Variants in B3GNT7 observed in about 807,000 individuals in gnomAD.
B3GNT7 encodes the protein UDP-GlcNAc:betaGal beta-1,3-N-acetylglucosaminyltransferase 7, also known as BGnT-7.
In B3GNT7, 9 loss-of-function variants were observed where a neutral mutation model predicts 5.1. The observed-to-expected ratio is 1.77, with a 90% confidence interval of 1.07 to 3.09. The LOEUF (loss-of-function observed/expected upper bound fraction) is 3.09. Among genes scored for constraint, B3GNT7 ranks in the 30% most tolerant of loss-of-function variants. The probability of loss-of-function intolerance (pLI) is 0.00; values close to 1 mark genes in which losing one functional copy is unlikely to be tolerated. For missense variants in B3GNT7, 468 were observed against 550.8 expected (o/e 0.85, Z 1.50); for synonymous variants, 253 against 248.6 (o/e 1.02, Z -0.17).
chr2:231,396,462 T>C (rs941245579), intron 1 of B3GNT7, among the ~76,000 whole-genome samples: 1 of 152,106 alleles, frequency 6.6e-6, no homozygotes, highest in South Asian at 2.1e-4. Context: ...AGCCTGCACC[T>C]AAGGTGCCCC....
intron 1 of B3GNT7, chr2:231,397,305 T>A: frequency 1.0e-6 from 1 of 984,160 alleles, no homozygotes; most frequent in Non-Finnish European, 1.2e-6. Flanking sequence ...ATGAAAGGCA[T>A]TGGGGTTCCA....
Position 231,395,777 on chromosome 2 carries a change from C to G in B3GNT7, c.-27C>G. On this transcript the variant is annotated 5_prime_UTR_variant, in exon 1 of 2. Coordinates refer to ENST00000287590, the MANE Select transcript of B3GNT7 (RefSeq NM_145236.3). This position sits in a 1 kb window ranked among gnomAD's most constrained non-coding sequence, Gnocchi z 7.3. ...GCGCCCAGAGCTGCGAGCCGCTCGC[C>G]CCTCCGCCGCTCCGGCCCGGGCCGC... 8.5e-7 allele frequency: 1 copy of G among 1,171,896 alleles called. No homozygotes were observed. Among genetic ancestry groups the G allele is most frequent in the Non-Finnish European group, 1.1e-6 (1 of 950,130 alleles). The allele number at this position is 1,171,896 out of a possible 1,614,324, so 72.6% of individuals were successfully genotyped here.
chr2:231,397,716 C>A lies in B3GNT7; in HGVS notation c.12-15C>A. 1.9e-6 allele frequency: 3 copies of A among 1,596,508 alleles called. No homozygotes were observed. The highest frequency in any genetic ancestry group is 2.6e-6 in the Non-Finnish European group (3 of 1,172,088). ...TCTTTTCTCTCTCCTCTGTACTGTC[C>A]GCTCTCCCCCACAGGAAGAAAACCG... is the stretch of plus-strand genomic sequence containing the variant. On this transcript the variant is annotated splice_polypyrimidine_tract_variant and intron_variant, in intron 1 of 1. Coordinates refer to ENST00000287590, the MANE Select transcript of B3GNT7 (RefSeq NM_145236.3).
Position 231,398,667 on chromosome 2 carries a change from C to G in B3GNT7, c.948C>G (p.Ala316=). 1 of 1,612,166 alleles carries G rather than the reference C, an allele frequency of 6.2e-7. No homozygotes were observed. The highest frequency in any genetic ancestry group is 1.1e-5 in the South Asian group (1 of 91,064). The change falls in exon 2 of 2, where the codon GCC becomes GCG. Residue 316 remains alanine, a synonymous_variant. Transcript: ENST00000287590. ...AGSLARRLHH[A]CDTLELYPID... Reference sequence around the variant, plus strand: ...GCCTGGCCCGGCGCCTGCACCATGCCTGCGACACCCTGGAGCTCTACCCGA... The same window carrying G: ...GCCTGGCCCGGCGCCTGCACCATGCGTGCGACACCCTGGAGCTCTACCCGA...
Position 231,398,039 on chromosome 2 carries a change from A to C in B3GNT7, c.320A>C (p.Gln107Pro), listed in dbSNP as rs201156023. The C allele has an allele frequency of 1.0e-4, 168 of 1,609,876 alleles. No individual in the cohort carries two copies. The highest frequency in any genetic ancestry group is 1.4e-4 in the Non-Finnish European group (161 of 1,179,868). ...HQPWFQVLEP[Q>P]FRQFLFYRHC... ...CCCTGGTTCCAGGTCCTGGAGCCGC[A>C]GTTCCGGCAGTTTCTCTTCTACCGC... is the stretch of plus-strand genomic sequence containing the variant. The change falls in exon 2 of 2, where the codon CAG becomes CCG. Residue 107 changes from glutamine (Q) to proline (P), a missense_variant. By Grantham distance (76) the Gln-to-Pro change is moderately conservative. Coordinates refer to ENST00000287590, the MANE Select transcript of B3GNT7 (RefSeq NM_145236.3).
At chr2:231,396,791 T>G (rs918497534) in intron 1 of B3GNT7, among the ~76,000 whole-genome samples, 50 of 150,290 alleles carry the variant, frequency 3.3e-4, no homozygotes, top group African/African-American at 1.2e-3. Context: ...AGAGAGGAGG[T>G]CCTTCAGGAC....
Position 231,397,764 on chromosome 2 carries a change from C to T in B3GNT7, c.45C>T (p.Ala15=), listed in dbSNP as rs200868742. Residue 15 remains alanine (A), a synonymous_variant, in exon 2 of 2, where the codon GCC becomes GCT. Transcript: ENST00000287590. ...KKTVYRSLCL[A]LALLVAVTVF... is the part of the protein sequence containing the mutation. Reference sequence around the variant, plus strand: ...CCGTCTACCGGAGTCTGTGCCTGGCCCTGGCCCTGCTCGTGGCCGTGACGG... The same window carrying T: ...CCGTCTACCGGAGTCTGTGCCTGGCTCTGGCCCTGCTCGTGGCCGTGACGG... 405 of 1,613,640 alleles carry T rather than the reference C, an allele frequency of 2.5e-4. 5 individuals are homozygous for T. The Middle Eastern group carries it at 4.5e-3, about 18-fold the overall frequency.
Position 231,398,607 on chromosome 2 carries a change from G to C in B3GNT7, c.888G>C (p.Pro296=). 6.2e-7 allele frequency: 1 copy of C among 1,612,514 alleles called. No individual in the cohort carries two copies. Among genetic ancestry groups the C allele is most frequent in the Non-Finnish European group, 8.5e-7 (1 of 1,179,550 alleles). ...TGTACGGCAAGGCCAGCTATCCGCCGTATGCAGGCGGCGGTGGCTTCCTCA... is the reference window on the plus strand; with the variant it reads ...TGTACGGCAAGGCCAGCTATCCGCCCTATGCAGGCGGCGGTGGCTTCCTCA... ...GALYGKASYP[P]YAGGGGFLMA... is the part of the protein sequence containing the mutation. Residue 296 remains proline (P), a synonymous_variant, in exon 2 of 2, where the codon CCG becomes CCC. Coordinates refer to ENST00000287590, the MANE Select transcript of B3GNT7 (RefSeq NM_145236.3).
In B3GNT7 at chr2:231,398,547, C is replaced by T. The variant is rs766873353; in HGVS notation, c.828C>T (p.Arg276=). Residue 276 remains arginine (R), a synonymous_variant, in exon 2 of 2, where the codon CGC becomes CGT. Coordinates refer to ENST00000287590, the MANE Select transcript of B3GNT7 (RefSeq NM_145236.3). The part of the protein sequence containing the change: ...GDVLQHARPI[R]RKDNKYYIPG... ...TCCTGCAGCACGCTCGGCCCATTCG[C>T]AGGAAAGACAACAAATACTACATCC... The T allele has an allele frequency of 6.2e-7, 1 of 1,613,444 alleles. No homozygotes were observed. The highest frequency in any genetic ancestry group is 2.2e-5 in the East Asian group (1 of 44,876).
chr2:231,398,234 G>C lies in B3GNT7; in HGVS notation c.515G>C (p.Arg172Pro). The change falls in exon 2 of 2, where the codon CGC becomes CCC. Residue 172 changes from arginine to proline, a missense_variant. By Grantham distance (103) the Arg-to-Pro change is moderately radical. Coordinates refer to ENST00000287590, the MANE Select transcript of B3GNT7 (RefSeq NM_145236.3). ...QSAGGGRGAV[R>P]TLFLLGTASK... is the part of the protein sequence containing the mutation. ...GCGGGTGGGGGCCGAGGCGCCGTGCGCACCCTCTTCCTGCTGGGCACGGCC... is the reference window on the plus strand; with the variant it reads ...GCGGGTGGGGGCCGAGGCGCCGTGCCCACCCTCTTCCTGCTGGGCACGGCC... The C allele has an allele frequency of 6.2e-7, 1 of 1,609,346 alleles. No individual in the cohort carries two copies. The highest frequency in any genetic ancestry group is 8.5e-7 in the Non-Finnish European group (1 of 1,178,014).
In B3GNT7 at chr2:231,398,620, G is replaced by A. The variant is rs947425339; in HGVS notation, c.901G>A (p.Gly301Ser). The A allele has an allele frequency of 3.7e-5, 60 of 1,612,278 alleles. No individual in the cohort carries two copies. Among genetic ancestry groups the A allele is most frequent in the Non-Finnish European group, 4.9e-5 (58 of 1,179,628 alleles). The change falls in exon 2 of 2, where the codon GGT becomes AGT. Residue 301 changes from glycine to serine, a missense_variant. Coordinates refer to ENST00000287590, the MANE Select transcript of B3GNT7 (RefSeq NM_145236.3). ...KASYPPYAGG[G>S]GFLMAGSLAR... ...CAGCTATCCGCCGTATGCAGGCGGC[G>A]GTGGCTTCCTCATGGCCGGCAGCCT... is the stretch of plus-strand genomic sequence containing the variant.
Position 231,398,063 on chromosome 2 carries a change from G to T in B3GNT7, c.344G>T (p.Arg115Leu), listed in dbSNP as rs1224722111. 1.9e-6 allele frequency: 3 copies of T among 1,610,870 alleles called. 1 individual carries two copies. The South Asian group carries it at 3.3e-5, about 18-fold the overall frequency. The change falls in exon 2 of 2, where the codon CGC becomes CTC. Residue 115 changes from arginine (R) to leucine (L), a missense_variant. Transcript: ENST00000287590. ...CAGTTCCGGCAGTTTCTCTTCTACC[G>T]CCACTGCCGCTACTTCCCCATGCTG... ...EPQFRQFLFY[R>L]HCRYFPMLLN...
At chr2:231,396,197 GCTTC>G (rs1270187566) in intron 1 of B3GNT7, among the ~76,000 whole-genome samples, 3 of 152,068 alleles carry the variant, frequency 2.0e-5, no homozygotes, top group Non-Finnish European at 4.4e-5. Flanking sequence ...TCCTCTCGGG[GCTTC>G]CTTCCGCGGG....
rs1276085849 is a variant in B3GNT7, at chr2:231,398,998, G to A, written c.*73G>A. The A allele has an allele frequency of 7.4e-6, 10 of 1,346,052 alleles. No individual in the cohort carries two copies. The highest frequency in any genetic ancestry group is 1.0e-5 in the Non-Finnish European group (10 of 999,474). The allele number at this position is 1,346,052 out of a possible 1,614,324, so 83.4% of individuals were successfully genotyped here. ...CCATGGTATTGGGGCTGGAGCCACA[G>A]TGCCCAGGCCTAGCCTTTGGTCCCC... On this transcript the variant is annotated 3_prime_UTR_variant, in exon 2 of 2. Coordinates refer to ENST00000287590, the MANE Select transcript of B3GNT7 (RefSeq NM_145236.3).
Position 231,399,111 on chromosome 2 carries a change from C to G in B3GNT7, c.*186C>G. On this transcript the variant is annotated 3_prime_UTR_variant, in exon 2 of 2. Coordinates refer to ENST00000287590, the MANE Select transcript of B3GNT7 (RefSeq NM_145236.3). ...AAGGGACCTCCCTGTGTGGATAATTCTAGGAAACTGAGGCCCAGGAACGGT... is the reference window on the plus strand; with the variant it reads ...AAGGGACCTCCCTGTGTGGATAATTGTAGGAAACTGAGGCCCAGGAACGGT... 1.6e-6 allele frequency: 1 copy of G among 609,322 alleles called. No individual in the cohort carries two copies. The allele number at this position is 609,322 out of a possible 1,614,324, so 37.7% of individuals were successfully genotyped here.
chr2:231,396,826 G>A (rs2046519440), intron 1 of B3GNT7, among the ~76,000 whole-genome samples: 1 of 151,460 alleles, frequency 6.6e-6, no homozygotes, highest in South Asian at 2.1e-4. Flanking sequence ...CAGGGCTTGG[G>A]ACGACCAGCA....
At position 231,395,813 on chromosome 2, in the gene B3GNT7, T is replaced by C; in HGVS notation, c.10T>C (p.Trp4Arg). MSLWKKTVYRSLCL... is the reference protein window; with the variant it reads MSLRKKTVYRSLCL... ...TCCGGCCCGGGCCGCCATGTCGCTG[T>C]GGTGAGTGGGGCTGGGGGCCGTCGG... The change falls in exon 1 of 2, where the codon TGG becomes CGG. Residue 4 changes from tryptophan to arginine, a missense_variant and splice_region_variant. Transcript: ENST00000287590. This position sits in a 1 kb window ranked among gnomAD's most constrained non-coding sequence, Gnocchi z 7.3. The C allele has an allele frequency of 8.6e-7, 1 of 1,160,122 alleles. No homozygotes were observed. The highest frequency in any genetic ancestry group is 1.1e-6 in the Non-Finnish European group (1 of 942,756). 71.9% of individuals were successfully genotyped at this position (1,160,122 alleles called of 1,614,324 possible). A position where few individuals can be genotyped will look rare whatever the true frequency, so the allele number is the denominator to read the frequency against.
intron 1 of B3GNT7, among the ~76,000 whole-genome samples, chr2:231,396,585 C>A (rs1205294729): frequency 2.0e-5 from 3 of 152,218 alleles, no homozygotes; most frequent in African/African-American, 7.2e-5. Context: ...CCGGACCAGC[C>A]CTCAGGGCAA....
In B3GNT7 at chr2:231,395,800, C is replaced by A. The variant is rs2046507413; in HGVS notation, c.-4C>A. On this transcript the variant is annotated 5_prime_UTR_variant, in exon 1 of 2. Coordinates refer to ENST00000287590, the MANE Select transcript of B3GNT7 (RefSeq NM_145236.3). The surrounding 1 kb of genome is among the most constrained non-coding windows in gnomAD (Gnocchi z 7.3). ...GCCCCTCCGCCGCTCCGGCCCGGGC[C>A]GCCATGTCGCTGTGGTGAGTGGGGC... The A allele has an allele frequency of 1.7e-6, 2 of 1,171,024 alleles. No individual in the cohort carries two copies. The highest frequency in any genetic ancestry group is 2.1e-6 in the Non-Finnish European group (2 of 949,568). 72.5% of individuals were successfully genotyped at this position (1,171,024 alleles called of 1,614,324 possible).
Sources: gnomAD v4.1 joint callset for allele counts (sites outside exome capture counted in the v4.1 genomes callset) on GRCh38, gnomAD v4.1.1 for gene constraint, Gnocchi (gnomAD v3.1) non-coding constraint, MANE v1.5 for transcripts, NCBI Gene and HGNC (gene_info 2026-07-23, HGNC 2026-07-21) for gene names.